G2E3: variants seen among roughly 807,000 people sequenced by gnomAD.
G2E3 encodes the protein G2/M-phase specific E3 ubiquitin protein ligase, also known as G2/M phase-specific E3 ubiquitin-protein ligase.
Under a neutral mutation model 92.8 loss-of-function variants are expected in G2E3, and 35 were observed. The ratio of observed to expected loss-of-function variants is 0.38; its 90% CI spans 0.29 to 0.50. G2E3 has a LOEUF of 0.50. Ranked by LOEUF, G2E3 falls within the 20% of genes least tolerant of loss-of-function variation. The probability of loss-of-function intolerance (pLI) is 0.94; values close to 1 mark genes in which losing one functional copy is unlikely to be tolerated. For missense variants in G2E3, 554 were observed against 823.8 expected (o/e 0.67, Z 4.01); for synonymous variants, 242 against 272.4 (o/e 0.89, Z 1.10).
chr14:30,590,369 G>A (rs1001329972), intron 4 of G2E3, among the ~76,000 whole-genome samples: 3 of 152,130 alleles, frequency 2.0e-5, no homozygotes, highest in African/African-American at 7.2e-5. Context: ...GGAGTGACTA[G>A]GAAGTTAGCA....
At chr14:30,566,514 T>C (rs1205006866) in intron 1 of G2E3, among the ~76,000 whole-genome samples, 2 of 152,230 alleles carry the variant, frequency 1.3e-5, no homozygotes, top group Non-Finnish European at 2.9e-5. Context: ...TGGAATTGTT[T>C]ACTTAATTTC....
Position 30,616,417 on chromosome 14 carries a change from C to T in G2E3, c.2004C>T (p.Asn668=), listed in dbSNP as rs747158328. Residue 668 remains asparagine, a synonymous_variant, in exon 15 of 15, where the codon AAC becomes AAT. Coordinates refer to ENST00000206595, the MANE Select transcript of G2E3 (RefSeq NM_017769.5). ...VDFPVGNKCN[N]CLAIPITNTY... ...TTCCTGTTGGAAACAAGTGTAATAA[C>T]TGTTTAGCAATTCCCATCACCAATA... The T allele has an allele frequency of 1.2e-6, 2 of 1,612,170 alleles. No individual in the cohort carries two copies. The highest frequency in any genetic ancestry group is 1.7e-5 in the Admixed American group (1 of 59,924).
chr14:30,599,421 G>T (rs1441837667), intron 8 of G2E3, among the ~76,000 whole-genome samples: 2 of 152,100 alleles, frequency 1.3e-5, no homozygotes, highest in African/African-American at 4.8e-5. Context: ...TAGAGATCGG[G>T]TTTCACCATG....
intron 1 of G2E3, among the ~76,000 whole-genome samples, chr14:30,565,371 C>T (rs982583287): frequency 6.6e-6 from 1 of 152,074 alleles, no homozygotes; most frequent in East Asian, 1.9e-4. Context: ...AGATACTAGA[C>T]CCTTTTCAGG....
chr14:30,577,113 T>C (rs1880144324), intron 1 of G2E3, among the ~76,000 whole-genome samples: 1 of 150,450 alleles, frequency 6.6e-6, no homozygotes, highest in South Asian at 2.1e-4. Context: ...TAGTCCCAGC[T>C]ACTCGGGAGG....
chr14:30,613,051 C>T (rs145146876), intron 13 of G2E3, among the ~76,000 whole-genome samples: 23 of 152,056 alleles, frequency 1.5e-4, no homozygotes, highest in African/African-American at 5.1e-4. Context: ...ATATATTGAC[C>T]GTTCTTTGAT....
At chr14:30,600,907 G>A (rs2138878367) in intron 8 of G2E3, among the ~76,000 whole-genome samples, 1 of 152,290 alleles carries the variant, frequency 6.6e-6, no homozygotes, top group East Asian at 1.9e-4. Context: ...CTACAATTGT[G>A]AGGATTAAAC....
At chr14:30,594,579 G>A (rs1360750419) in intron 6 of G2E3, among the ~76,000 whole-genome samples, 1 of 151,908 alleles carries the variant, frequency 6.6e-6, no homozygotes, top group African/African-American at 2.4e-5. Flanking sequence ...TGTAGTCCCA[G>A]CTACTAGGGA....
intron 6 of G2E3, among the ~76,000 whole-genome samples, chr14:30,594,533 CA>C (rs1209965311): frequency 6.8e-5 from 10 of 147,008 alleles, no homozygotes; most frequent in Admixed American, 1.4e-4. Flanking sequence ...ACTAAAAATA[CA>C]AAAAAAAAAT....
At chr14:30,595,848 G>A (rs2138862373) in intron 6 of G2E3, among the ~76,000 whole-genome samples, 1 of 152,274 alleles carries the variant, frequency 6.6e-6, no homozygotes, top group African/African-American at 2.4e-5. Context: ...AGAGACTAGA[G>A]ATTGCTATCA....
intron 6 of G2E3, among the ~76,000 whole-genome samples, chr14:30,596,610 C>T (rs1198553633): frequency 1.3e-5 from 2 of 152,166 alleles, no homozygotes; most frequent in Non-Finnish European, 2.9e-5. Flanking sequence ...AACCCTCTGA[C>T]ATAATTATCA....
chr14:30,572,720 CTTTTT>C (rs111659611), intron 1 of G2E3, among the ~76,000 whole-genome samples: 1 of 147,620 alleles, frequency 6.8e-6, no homozygotes, highest in Non-Finnish European at 1.5e-5. Flanking sequence ...ATATATTATC[CTTTTT>C]TTTTTAATTA....
intron 3 of G2E3, 84 bp downstream of exon 3, chr14:30,586,899 G>C (rs1179588860): frequency 2.2e-6 from 1 of 458,696 alleles, no homozygotes; most frequent in East Asian, 3.6e-5. Flanking sequence ...CTGAGAATTG[G>C]ATAAGTCATT....
rs887883912 is a variant in G2E3 at position 30,618,597 on chromosome 14, A to T, written c.*2063A>T. The T allele has an allele frequency of 6.6e-6, 1 of 152,106 alleles. No individual in the cohort carries two copies. Among genetic ancestry groups the T allele is most frequent in the Non-Finnish European group, 1.5e-5 (1 of 67,968 alleles). 9.4% of individuals were successfully genotyped at this position (152,106 alleles called of 1,614,324 possible). ...TTCAATTCCTCATTTGACTTATTTT[A>T]TATATAGACAGGGCCTTAGTGATAA... On this transcript the variant is annotated 3_prime_UTR_variant, in exon 15 of 15. Transcript: ENST00000206595.
chr14:30,560,036 G>C (rs1028219069), intron 1 of G2E3: 2 of 151,712 alleles, frequency 1.3e-5, no homozygotes, highest in African/African-American at 2.4e-5. Flanking sequence ...GGCCAACTGG[G>C]TTATTATGGA....
At chr14:30,588,698 C>T (rs1265043588) in intron 3 of G2E3, among the ~76,000 whole-genome samples, 1 of 152,108 alleles carries the variant, frequency 6.6e-6, no homozygotes, top group African/African-American at 2.4e-5. Flanking sequence ...AGGTTTGAGA[C>T]ATTAATACTT....
chr14:30,601,209 G>C (rs1344349363), intron 8 of G2E3, among the ~76,000 whole-genome samples: 1 of 152,126 alleles, frequency 6.6e-6, no homozygotes. Flanking sequence ...GCCCACACTT[G>C]TAGTCATGGA....
At chr14:30,598,664 T>A in intron 8 of G2E3, 65 bp downstream of exon 8, 1 of 1,017,976 alleles carries the variant, frequency 9.8e-7, no homozygotes, top group Middle Eastern at 2.0e-4. Flanking sequence ...AGAAAGTAGA[T>A]TTTATAGTTA....
chr14:30,607,812 A>G lies in G2E3; in HGVS notation c.1319-76A>G, dbSNP rs576771747. The G allele has an allele frequency of 9.0e-5, 67 of 741,012 alleles. No individual in the cohort carries two copies. The African/African-American group carries it at 1.1e-3, about 12-fold the overall frequency. 45.9% of individuals were successfully genotyped at this position (741,012 alleles called of 1,614,324 possible). ...TATCTAATGCTTAGATTTTTGGACT[A>G]ATTTTTAATATAAAAAATGATGGTT... On this transcript the variant is annotated intron_variant, in intron 11 of 14. Transcript: ENST00000206595.
Sources: gnomAD v4.1 joint callset for allele counts (sites outside exome capture counted in the v4.1 genomes callset) on GRCh38, gnomAD v4.1.1 for gene constraint, MANE v1.5 for transcripts, NCBI Gene and HGNC (gene_info 2026-07-23, HGNC 2026-07-21) for gene names.